NCOA3: variants seen among roughly 807,000 people sequenced by gnomAD.
The protein encoded by NCOA3 is nuclear receptor coactivator 3.
NCOA3 carries 51 observed loss-of-function variants against 158.8 expected under a neutral mutation model. That is an observed-to-expected ratio of 0.32 (90% CI 0.26 to 0.41). The LOEUF is 0.41. Ranked by LOEUF, NCOA3 falls within the 10% of genes least tolerant of loss-of-function variation. The pLI, the probability that NCOA3 is intolerant of heterozygous loss-of-function variation, is 1.00. For missense variants in NCOA3, 1,510 were observed against 1,746.6 expected (o/e 0.86, Z 2.41); for synonymous variants, 537 against 592.4 (o/e 0.91, Z 1.36).
chr20:47,537,681 G>A (rs1203946806), intron 1 of NCOA3, among the ~76,000 whole-genome samples: 2 of 140,400 alleles, frequency 1.4e-5, no homozygotes, highest in African/African-American at 5.2e-5. Flanking sequence ...CCAGGTTCAA[G>A]TGATTCTCCT....
chr20:47,584,323 A>C (rs2085500116), intron 2 of NCOA3, among the ~76,000 whole-genome samples: 1 of 152,130 alleles, frequency 6.6e-6, no homozygotes, highest in South Asian at 2.1e-4. Flanking sequence ...ATAAATAATT[A>C]AAAAGGAAAG....
chr20:47,654,280 T>C lies in NCOA3; in HGVS notation c.*863T>C, dbSNP rs940462763. ...GTACTGGTGTCACCCTTTGCCTATA[T>C]GGTAGAGCAATAATGCTTTTTAAAA... On this transcript the variant is annotated 3_prime_UTR_variant, in exon 23 of 23. Coordinates refer to ENST00000371998, the MANE Select transcript of NCOA3 (RefSeq NM_181659.3). 1 of 152,652 alleles carries C rather than the reference T, an allele frequency of 6.6e-6. No individual in the cohort carries two copies. The highest frequency in any genetic ancestry group is 1.5e-5 in the Non-Finnish European group (1 of 68,034). The allele number at this position is 152,652 out of a possible 1,614,324, so 9.5% of individuals were successfully genotyped here.
At chr20:47,600,982 A>T (rs1222288895) in intron 2 of NCOA3, among the ~76,000 whole-genome samples, 1 of 152,200 alleles carries the variant, frequency 6.6e-6, no homozygotes, top group Non-Finnish European at 1.5e-5. Context: ...TTATTATTAA[A>T]GTCAAAGAAT....
rs187820920 is a variant in NCOA3, at chr20:47,563,564, G to T, written c.-98-19619G>T. 2.0e-5 allele frequency among the ~76,000 whole-genome samples: 3 copies of T among 152,244 alleles called. No individual in the cohort carries two copies. In the East Asian group the frequency reaches 5.8e-4, roughly 29 times the overall value. On this transcript the variant is annotated intron_variant, in intron 1 of 22. Transcript: ENST00000371998. ...ATTTGAGTGCAGGCTGGGCATGATGGCTTATGCCTGTAATCCCAGCAGTTT... is the reference window on the plus strand; with the variant it reads ...ATTTGAGTGCAGGCTGGGCATGATGTCTTATGCCTGTAATCCCAGCAGTTT...
At chr20:47,527,709 G>C (rs977416768) in intron 1 of NCOA3, among the ~76,000 whole-genome samples, 1 of 152,160 alleles carries the variant, frequency 6.6e-6, no homozygotes, top group Non-Finnish European at 1.5e-5. Flanking sequence ...CTGTTTACCT[G>C]TCTGTTCCAT....
intron 1 of NCOA3, among the ~76,000 whole-genome samples, chr20:47,532,110 T>TTTGTGTGTGTG (rs3221450): frequency 3.4e-5 from 5 of 147,512 alleles, no homozygotes; most frequent in South Asian, 2.2e-4. Context: ...AGGGGGGGAC[T>TTTGTGTGTGTG]TGTGTGTGTG....
chr20:47,656,447 A>G lies in NCOA3; in HGVS notation c.*3030A>G, dbSNP rs2146358612. 1 of 152,362 alleles carries G rather than the reference A, an allele frequency of 6.6e-6. No homozygotes were observed. Among genetic ancestry groups the G allele is most frequent in the South Asian group, 2.1e-4 (1 of 4,822 alleles). The allele number at this position is 152,362 out of a possible 1,614,324, so 9.4% of individuals were successfully genotyped here. ...TTTGATCCAGAGGTGGGTGCAGCTGAAAGTAAACAGAATGGATTGCCAGTT... is the reference window on the plus strand; with the variant it reads ...TTTGATCCAGAGGTGGGTGCAGCTGGAAGTAAACAGAATGGATTGCCAGTT... On this transcript the variant is annotated 3_prime_UTR_variant, in exon 23 of 23. Coordinates refer to ENST00000371998, the MANE Select transcript of NCOA3 (RefSeq NM_181659.3).
At chr20:47,612,591 CATTTT>C (rs1268571755) in intron 2 of NCOA3, among the ~76,000 whole-genome samples, 2 of 152,002 alleles carry the variant, frequency 1.3e-5, no homozygotes, top group Non-Finnish European at 2.9e-5. Flanking sequence ...GTATAAAGAT[CATTTT>C]GGGGTTGCTG....
chr20:47,512,620 A>G (rs564479569), intron 1 of NCOA3, among the ~76,000 whole-genome samples: 1 of 152,182 alleles, frequency 6.6e-6, no homozygotes, highest in African/African-American at 2.4e-5. Context: ...ACTTCACAGA[A>G]AAAAGGTACA....
intron 1 of NCOA3, among the ~76,000 whole-genome samples, chr20:47,527,572 G>T (rs1038113081): frequency 2.6e-5 from 4 of 152,122 alleles, no homozygotes; most frequent in Admixed American, 6.6e-5. Context: ...GAATAGAGCC[G>T]CTGTGAACAT....
At chr20:47,582,854 G>A (rs1046856355) in intron 1 of NCOA3, among the ~76,000 whole-genome samples, 4 of 152,190 alleles carry the variant, frequency 2.6e-5, no homozygotes, top group African/African-American at 2.4e-5. Context: ...GAGTGCAGTG[G>A]CATAGTCTCG....
intron 1 of NCOA3, among the ~76,000 whole-genome samples, chr20:47,563,059 A>C (rs1452310630): frequency 6.6e-6 from 1 of 152,204 alleles, no homozygotes; most frequent in East Asian, 1.9e-4. Context: ...AGTAATGTTT[A>C]TGTGAGCATC....
In NCOA3 at chr20:47,634,141, G is replaced by T. The variant is rs761607812; in HGVS notation, c.1058G>T (p.Arg353Leu). 6.2e-7 allele frequency: 1 copy of T among 1,614,038 alleles called. No homozygotes were observed. The highest frequency in any genetic ancestry group is 1.1e-5 in the South Asian group (1 of 91,078). The change falls in exon 10 of 23, where the codon CGA becomes CTA. Residue 353 changes from arginine to leucine, a missense_variant. Around this residue, in one of 4 missense-constraint regions of NCOA3, gnomAD observed 1,017 missense variants for 1,098.3 expected, o/e 0.93. Coordinates refer to ENST00000371998, the MANE Select transcript of NCOA3 (RefSeq NM_181659.3). ...GCACAGACAAAAAGCAAACTCTTCC[G>T]AAATCCTGTAACAAATGATCGACAT... Reference protein sequence around the residue: ...VTAQTKSKLFRNPVTNDRHGF... With the variant: ...VTAQTKSKLFLNPVTNDRHGF...
intron 2 of NCOA3, among the ~76,000 whole-genome samples, chr20:47,587,472 C>T (rs146417538): frequency 2.8e-4 from 42 of 152,300 alleles, no homozygotes; most frequent in Middle Eastern, 3.4e-3. Context: ...GTCATCCCTT[C>T]GTACCTGAGG....
chr20:47,508,841 C>T (rs139244511), intron 1 of NCOA3, among the ~76,000 whole-genome samples: 1 of 152,276 alleles, frequency 6.6e-6, no homozygotes, highest in African/African-American at 2.4e-5. Context: ...TTACCTAGGG[C>T]AGAGTTCAGA....
intron 1 of NCOA3, among the ~76,000 whole-genome samples, chr20:47,521,849 C>A (rs182701808): frequency 6.6e-6 from 1 of 152,250 alleles, no homozygotes; most frequent in East Asian, 1.9e-4. Flanking sequence ...TAACTTTATT[C>A]CTTTTCAAGT....
At chr20:47,580,121 G>A (rs1031516773) in intron 1 of NCOA3, among the ~76,000 whole-genome samples, 2 of 152,134 alleles carry the variant, frequency 1.3e-5, no homozygotes, top group Non-Finnish European at 2.9e-5. Flanking sequence ...GTCCAAGGGT[G>A]CAGATTGGCA....
At chr20:47,606,229 A>G (rs762231695) in intron 2 of NCOA3, among the ~76,000 whole-genome samples, 8 of 152,310 alleles carry the variant, frequency 5.3e-5, no homozygotes, top group South Asian at 4.1e-4. Context: ...AATCTAATAT[A>G]GTGGCTCTCA....
chr20:47,554,263 A>G lies in NCOA3; in HGVS notation c.-98-28920A>G, dbSNP rs2084968122. On this transcript the variant is annotated intron_variant, in intron 1 of 22. Transcript: ENST00000371998. ...ATGGGGTTGTTTGTTTTTTTCTTGTAAATTTGTTTGAGTTCATTGTAGATT... is the reference window on the plus strand; with the variant it reads ...ATGGGGTTGTTTGTTTTTTTCTTGTGAATTTGTTTGAGTTCATTGTAGATT... Among the ~76,000 whole-genome samples the G allele has an allele frequency of 4.6e-5, 7 of 151,796 alleles. No homozygotes were observed. The South Asian group carries it at 1.5e-3, about 32-fold the overall frequency.
Sources: gnomAD v4.1 joint callset for allele counts (sites outside exome capture counted in the v4.1 genomes callset) on GRCh38, gnomAD v4.1.1 for gene constraint, gnomAD v4.1.1 regional missense constraint, MANE v1.5 for transcripts, NCBI Gene and HGNC (gene_info 2026-07-23, HGNC 2026-07-21) for gene names.